Variants in KCNIP4 observed in about 807,000 individuals in gnomAD.
KCNIP4 encodes potassium voltage-gated channel interacting protein 4, also known as Kv channel-interacting protein 4.
KCNIP4 carries 12 observed loss-of-function variants against 34.0 expected under a neutral mutation model. The observed-to-expected ratio is 0.35, with a 90% CI of 0.23 to 0.57. The LOEUF is 0.57. KCNIP4 is among the 20% of genes least tolerant of loss of function. The pLI is 0.83. For synonymous variants in KCNIP4, 124 were observed against 102.2 expected, an observed-to-expected ratio of 1.21 and a Z score of -1.29; for missense variants, 238 against 311.7, an observed-to-expected ratio of 0.76 and a Z score of 1.78.
intron 3 of KCNIP4, among the ~76,000 whole-genome samples, chr4:20,800,779 G>A (rs1714129301): frequency 6.6e-6 from 1 of 152,122 alleles, no homozygotes; most frequent in South Asian, 2.1e-4. Context: ...GATATTCTTT[G>A]GGACTTATGG....
chr4:20,789,768 C>T (rs567934860), intron 3 of KCNIP4, among the ~76,000 whole-genome samples: 4 of 151,024 alleles, frequency 2.6e-5, no homozygotes, highest in African/African-American at 9.7e-5. Context: ...CTAGATCATC[C>T]AGGCTCCAGC....
At chr4:21,428,664 T>C (rs1726139482) in intron 1 of KCNIP4, among the ~76,000 whole-genome samples, 1 of 152,168 alleles carries the variant, frequency 6.6e-6, no homozygotes, top group Non-Finnish European at 1.5e-5. Flanking sequence ...GTATGCTTGC[T>C]GACTAGCCAC....
At chr4:21,528,763 G>GA (rs1477307062) in intron 1 of KCNIP4, among the ~76,000 whole-genome samples, 4 of 9,998 alleles carry the variant, frequency 4.0e-4, no homozygotes, top group African/African-American at 1.7e-3. Context: ...AAGAAAGAAA[G>GA]AAAGAAAGAA....
chr4:21,671,644 T>C (rs1749507893), intron 1 of KCNIP4, among the ~76,000 whole-genome samples: 1 of 152,178 alleles, frequency 6.6e-6, no homozygotes, highest in Non-Finnish European at 1.5e-5. Flanking sequence ...TGGGTTGATA[T>C]GATTGATTGA....
chr4:21,798,790 T>C (rs1239090253), intron 1 of KCNIP4, among the ~76,000 whole-genome samples: 1 of 152,022 alleles, frequency 6.6e-6, no homozygotes, highest in African/African-American at 2.4e-5. Context: ...TTAGAAGGCA[T>C]ATGAAACAAA....
Position 21,546,265 on chromosome 4 carries a change from T to C in KCNIP4, c.61+402306A>G, listed in dbSNP as rs145443230. Among the ~76,000 whole-genome samples, 351 of 152,234 alleles carry C rather than the reference T, an allele frequency of 2.3e-3. 1 individual carries two copies. Among genetic ancestry groups the C allele is most frequent in the African/African-American group, 8.2e-3 (340 of 41,546 alleles). The stretch of plus-strand genomic sequence containing the variant: ...ATTATTTTGCAAGGGTGAGGGGTTA[T>C]TGGGGGCCATTCTTAGAATTCTTAG... On this transcript the variant is annotated intron_variant, in intron 1 of 8. Transcript: ENST00000382152.
intron 1 of KCNIP4, among the ~76,000 whole-genome samples, chr4:21,496,293 GA>G (rs906523323): frequency 8.6e-5 from 13 of 151,526 alleles, no homozygotes; most frequent in Non-Finnish European, 1.3e-4. Context: ...AGTCAACAAA[GA>G]AAAAAAATAG....
At chr4:20,935,992 G>T (rs1731018848) in intron 1 of KCNIP4, among the ~76,000 whole-genome samples, 1 of 152,160 alleles carries the variant, frequency 6.6e-6, no homozygotes, top group African/African-American at 2.4e-5. Flanking sequence ...AATGATAGAG[G>T]TCTTGTGATT....
Position 20,916,985 on chromosome 4 carries a change from TTATATATATATATATATATATA to T in KCNIP4, c.62-34298_62-34277del, listed in dbSNP as rs1157104290. On this transcript the variant is annotated intron_variant, in intron 1 of 8. Coordinates refer to ENST00000382152, the MANE Select transcript of KCNIP4 (RefSeq NM_025221.6). Reference sequence around the variant, plus strand: ...TCTTCCACCATTGACCATCTTATGTTTATATATATATATATATATATATATATATATATATATATATATATAT... The same window carrying T: ...TCTTCCACCATTGACCATCTTATGTTTATATATATATATATATATATATAT... 2.4e-3 allele frequency among the ~76,000 whole-genome samples: 101 copies of T among 41,338 alleles called. 1 individual carries two copies. Among genetic ancestry groups the T allele is most frequent in the African/African-American group, 3.9e-3 (29 of 7,496 alleles). The allele number at this position is 41,338 out of a possible 152,430, so 27.1% of individuals were successfully genotyped here. A position where few individuals can be genotyped will look rare whatever the true frequency, so the allele number is the denominator to read the frequency against.
chr4:21,254,875 A>C (rs773876726), intron 1 of KCNIP4, among the ~76,000 whole-genome samples: 2 of 152,098 alleles, frequency 1.3e-5, no homozygotes, highest in Non-Finnish European at 2.9e-5. Flanking sequence ...CTGGTCTCTC[A>C]TTGTCCCATT....
chr4:21,122,340 C>G (rs916902023), intron 1 of KCNIP4, among the ~76,000 whole-genome samples: 11 of 150,946 alleles, frequency 7.3e-5, no homozygotes, highest in Non-Finnish European at 1.5e-4. Flanking sequence ...AGTGCGTATA[C>G]GTTTTGAAAA....
intron 1 of KCNIP4, among the ~76,000 whole-genome samples, chr4:21,630,035 TTG>T (rs201436108): frequency 0.3 from 40,112 of 133,772 alleles, 5,723 homozygotes; most frequent in Non-Finnish European, 0.32. Flanking sequence ...TTTTTTTTTT[TTG>T]ACTTTTTGTA....
chr4:21,822,719 C>CT (rs71193413), intron 1 of KCNIP4, among the ~76,000 whole-genome samples: 116,392 of 137,864 alleles, frequency 0.84, 49,378 homozygotes, highest in East Asian at 0.89. Flanking sequence ...ATTAATTTTC[C>CT]TTTTTTTTTT....
At chr4:21,229,343 C>G (rs774307806) in intron 1 of KCNIP4, among the ~76,000 whole-genome samples, 3 of 152,132 alleles carry the variant, frequency 2.0e-5, no homozygotes, top group Non-Finnish European at 4.4e-5. Flanking sequence ...TTTTCTGGCA[C>G]TAGGTAGGGA....
intron 1 of KCNIP4, among the ~76,000 whole-genome samples, chr4:21,719,826 G>A (rs1714655104): frequency 6.6e-6 from 1 of 151,992 alleles, no homozygotes. Context: ...AGGTGGGCAT[G>A]GGAATGGGCA....
intron 1 of KCNIP4, among the ~76,000 whole-genome samples, chr4:20,945,745 G>GC (rs1371920216): frequency 6.6e-6 from 1 of 152,006 alleles, no homozygotes; most frequent in Non-Finnish European, 1.5e-5. Context: ...AAATAGATGG[G>GC]CCCCCCAGGG....
At chr4:20,897,085 T>C (rs1348951525) in intron 1 of KCNIP4, among the ~76,000 whole-genome samples, 1 of 152,166 alleles carries the variant, frequency 6.6e-6, no homozygotes, top group Non-Finnish European at 1.5e-5. Context: ...AGGCTGAGCA[T>C]TCACAAAGAA....
chr4:21,627,954 T>C (rs1745451856), intron 1 of KCNIP4, among the ~76,000 whole-genome samples: 1 of 152,188 alleles, frequency 6.6e-6, no homozygotes, highest in African/African-American at 2.4e-5. Context: ...TACTCAACTT[T>C]TAAAGATCCA....
intron 1 of KCNIP4, among the ~76,000 whole-genome samples, chr4:21,093,565 A>T (rs1334297306): frequency 1.3e-5 from 2 of 150,778 alleles, no homozygotes; most frequent in Non-Finnish European, 2.9e-5. Flanking sequence ...GGAAAAAAAA[A>T]TTGAGAACTC....
Sources: allele counts gnomAD v4.1 joint callset (sites outside exome capture counted in the v4.1 genomes callset), GRCh38; gene constraint gnomAD v4.1.1; transcripts MANE v1.5; gene names NCBI Gene and HGNC (gene_info 2026-07-23, HGNC 2026-07-21).